IQCB1: variants seen among roughly 807,000 people sequenced by gnomAD.
IQCB1 encodes IQ calmodulin-binding motif-containing protein 1.
A neutral mutation model predicts 84.4 loss-of-function variants in IQCB1; 56 were observed. The ratio of observed to expected loss-of-function variants is 0.66; its 90% confidence interval spans 0.54 to 0.83. The LOEUF (loss-of-function observed/expected upper bound fraction) is 0.83, where lower values mean the gene tolerates loss of function less well. Among genes scored for constraint, IQCB1 ranks in the 40% least tolerant of loss-of-function variants. The pLI is 0.00. For missense variants in IQCB1, 629 were observed against 682.1 expected (o/e 0.92, Z 0.87); for synonymous variants, 210 against 234.8 (o/e 0.89, Z 0.96).
chr3:121,818,293 A>G (rs906559339), intron 5 of IQCB1, among the ~76,000 whole-genome samples: 3 of 152,254 alleles, frequency 2.0e-5, no homozygotes, highest in Non-Finnish European at 4.4e-5. Flanking sequence ...GCATATTAAT[A>G]TAATGTATTC....
chr3:121,781,663 A>ACACACAAT (rs1553709034), intron 13 of IQCB1, 80 bp downstream of exon 13: 26 of 1,046,590 alleles, frequency 2.5e-5, no homozygotes, highest in East Asian at 7.8e-5. Flanking sequence ...ACACACACAC[A>ACACACAAT]ATATATGTGT....
rs6802815 is a variant in IQCB1, at chr3:121,789,983, A to T, written c.1129+90T>A. On this transcript the variant is annotated intron_variant, in intron 11 of 14. Coordinates refer to ENST00000310864, the MANE Select transcript of IQCB1 (RefSeq NM_001023570.4). ...AGAAAAAGGACAAAAGTCCAAATTT[A>T]AAAAAAAATCATCACGTAGCTAGAA... 668,268 of 1,066,286 alleles carry T rather than the reference A, an allele frequency of 0.63. 211,237 individuals carry two copies. The highest frequency in any genetic ancestry group is 0.72 in the Admixed American group (38,411 of 53,530). The allele number at this position is 1,066,286 out of a possible 1,614,324, so 66.1% of individuals were successfully genotyped here. A position where few individuals can be genotyped will look rare whatever the true frequency, so the allele number is the denominator to read the frequency against.
At chr3:121,829,912 G>C (rs1950574378) in intron 2 of IQCB1, among the ~76,000 whole-genome samples, 1 of 152,074 alleles carries the variant, frequency 6.6e-6, no homozygotes, top group Non-Finnish European at 1.5e-5. Flanking sequence ...CTTCTAAATA[G>C]TATAGTGAAT....
chr3:121,831,676 T>C (rs1357513501), intron 2 of IQCB1, among the ~76,000 whole-genome samples: 1 of 152,230 alleles, frequency 6.6e-6, no homozygotes, highest in Non-Finnish European at 1.5e-5. Context: ...ATTGATTGCT[T>C]GCTTGTTGGT....
intron 2 of IQCB1, among the ~76,000 whole-genome samples, chr3:121,829,669 G>A (rs889432854): frequency 2.0e-5 from 3 of 152,162 alleles, no homozygotes; most frequent in Non-Finnish European, 1.5e-5. Flanking sequence ...GGTTGCTGGA[G>A]GAATTAAGCA....
At chr3:121,824,231 C>CT (rs997946472) in intron 5 of IQCB1, among the ~76,000 whole-genome samples, 11 of 150,254 alleles carry the variant, frequency 7.3e-5, no homozygotes, top group Non-Finnish European at 1.5e-4. Context: ...CCTATATATA[C>CT]TTTTTTTTTT....
In IQCB1 at chr3:121,786,170, C is replaced by CGAAAAGAAAG. The variant is rs1553710812; in HGVS notation, c.1278+2113_1278+2114insCTTTCTTTTC. The stretch of plus-strand genomic sequence containing the variant: ...TGGGAGACAGAGAGAGATTCTGTCT[C>CGAAAAGAAAG]AAAAGAAAAGAAAAGAAAAGAAAAG... On this transcript the variant is annotated intron_variant, in intron 12 of 14. Coordinates refer to ENST00000310864, the MANE Select transcript of IQCB1 (RefSeq NM_001023570.4). 8.2e-5 allele frequency among the ~76,000 whole-genome samples: 6 copies of CGAAAAGAAAG among 72,870 alleles called. 1 individual carries two copies. The highest frequency in any genetic ancestry group is 3.9e-4 in the African/African-American group (6 of 15,448). 47.8% of individuals were successfully genotyped at this position (72,870 alleles called of 152,430 possible).
chr3:121,796,015 A>T (rs1310133417), intron 9 of IQCB1, among the ~76,000 whole-genome samples: 1 of 151,780 alleles, frequency 6.6e-6, no homozygotes, highest in Non-Finnish European at 1.5e-5. Context: ...TTAAAAGGTC[A>T]GTGAGCTGTC....
At position 121,825,918 on chromosome 3, in the gene IQCB1, T is replaced by C. The variant is rs146228286; in HGVS notation, c.393+133A>G. The C allele has an allele frequency of 5.6e-3, 4,893 of 877,256 alleles. 26 individuals are homozygous for C. Among genetic ancestry groups the C allele is most frequent in the Non-Finnish European group, 7.7e-3 (4,370 of 567,390 alleles). The allele number at this position is 877,256 out of a possible 1,614,324, so 54.3% of individuals were successfully genotyped here. ...AAACATAGAGATGATTTTTGGAAGG[T>C]TGTAACTTTGAAAATGTTTAAATTC... is the stretch of plus-strand genomic sequence containing the variant. On this transcript the variant is annotated intron_variant, in intron 5 of 14. Coordinates refer to ENST00000310864, the MANE Select transcript of IQCB1 (RefSeq NM_001023570.4).
chr3:121,797,295 GTA>G, intron 8 of IQCB1, 68 bp from the exon 9 acceptor site: 1 of 696,976 alleles, frequency 1.4e-6, no homozygotes, highest in Non-Finnish European at 2.4e-6. Flanking sequence ...TATCTAATCA[GTA>G]TTAATTTGAA....
chr3:121,797,208 A>G lies in IQCB1; in HGVS notation c.786T>C (p.Ser262=). 1 of 1,596,348 alleles carries G rather than the reference A, an allele frequency of 6.3e-7. No individual in the cohort carries two copies. The highest frequency in any genetic ancestry group is 2.2e-5 in the East Asian group (1 of 44,746). ...TGAATTCAGTCCCAGTTTCCTGTTT[A>G]CTTAGTAGACGTCTGAGTCCTGAAA... ...TCYKGLRRLL[S]KQETGTEFSQ... Residue 262 remains serine (S), a synonymous_variant, in exon 9 of 15, where the codon AGT becomes AGC. Transcript: ENST00000310864.
chr3:121,821,010 A>T (rs1950255851), intron 5 of IQCB1, among the ~76,000 whole-genome samples: 1 of 150,218 alleles, frequency 6.7e-6, no homozygotes, highest in South Asian at 2.1e-4. Context: ...TTTTTTAAAG[A>T]GATAGGATCT....
intron 12 of IQCB1, 56 bp downstream of exon 12, chr3:121,788,228 T>C: frequency 7.1e-6 from 11 of 1,551,386 alleles, no homozygotes; most frequent in Middle Eastern, 3.4e-4. Flanking sequence ...AAAGTCAGTT[T>C]TGAACTCATG....
intron 8 of IQCB1, among the ~76,000 whole-genome samples, chr3:121,798,497 T>C (rs916334607): frequency 6.6e-6 from 1 of 151,858 alleles, no homozygotes; most frequent in Non-Finnish European, 1.5e-5. Flanking sequence ...AAACAATATA[T>C]ATACTACCTT....
At chr3:121,800,664 T>A (rs1559776630) in intron 7 of IQCB1, among the ~76,000 whole-genome samples, 1 of 151,906 alleles carries the variant, frequency 6.6e-6, no homozygotes, top group Non-Finnish European at 1.5e-5. Flanking sequence ...TATCCCAATC[T>A]TATCACATCT....
At chr3:121,786,792 G>T (rs1190971882) in intron 12 of IQCB1, among the ~76,000 whole-genome samples, 1 of 152,084 alleles carries the variant, frequency 6.6e-6, no homozygotes, top group Non-Finnish European at 1.5e-5. Flanking sequence ...GAAATGGTAG[G>T]CAAACCAGGA....
chr3:121,815,640 G>C (rs1163979958), intron 5 of IQCB1, among the ~76,000 whole-genome samples: 1 of 152,044 alleles, frequency 6.6e-6, no homozygotes, highest in Admixed American at 6.5e-5. Flanking sequence ...CAAATCATAA[G>C]TGAATTCCCA....
intron 12 of IQCB1, among the ~76,000 whole-genome samples, chr3:121,782,698 G>C (rs1401474393): frequency 7.4e-6 from 1 of 135,280 alleles, no homozygotes; most frequent in Non-Finnish European, 1.6e-5. Flanking sequence ...TTTTTTTTTT[G>C]AGATGGAGTC....
intron 2 of IQCB1, among the ~76,000 whole-genome samples, chr3:121,832,897 T>C (rs772884980): frequency 2.6e-5 from 4 of 152,244 alleles, no homozygotes; most frequent in East Asian, 1.9e-4. Flanking sequence ...TAACTAGTTA[T>C]GAATAGACAT....
Sources: allele counts gnomAD v4.1 joint callset (sites outside exome capture counted in the v4.1 genomes callset), GRCh38; gene constraint gnomAD v4.1.1; transcripts MANE v1.5; gene names NCBI Gene and HGNC (gene_info 2026-07-23, HGNC 2026-07-21).